Variants in EIF2AK1 observed in about 807,000 individuals in gnomAD.
The protein encoded by EIF2AK1 is eukaryotic translation initiation factor 2 alpha kinase 1.
A neutral mutation model predicts 77.9 loss-of-function variants in EIF2AK1; 54 were observed. The ratio of observed to expected loss-of-function variants is 0.69; its 90% CI spans 0.56 to 0.87. The LOEUF is 0.87. Ranked by LOEUF, EIF2AK1 falls within the 40% of genes least tolerant of loss-of-function variation. The pLI is 0.00. For missense variants in EIF2AK1, 810 were observed against 768.6 expected (o/e 1.05, Z -0.64); for synonymous variants, 314 against 290.5 (o/e 1.08, Z -0.82).
At position 6,044,603 on chromosome 7, in the gene EIF2AK1, T is replaced by C. The variant is rs1263963094; in HGVS notation, c.689A>G (p.His230Arg). 6.2e-7 allele frequency: 1 copy of C among 1,614,120 alleles called. No individual in the cohort carries two copies. The highest frequency in any genetic ancestry group is 8.5e-7 in the Non-Finnish European group (1 of 1,180,006). The change falls in exon 7 of 15, where the codon CAC becomes CGC. Residue 230 changes from histidine (H) to arginine (R), a missense_variant. Physicochemically the swap from His to Arg is conservative, Grantham distance 29. Around this residue, in one of 3 missense-constraint regions of EIF2AK1, gnomAD observed 549 missense variants for 533.7 expected, o/e 1.03. Coordinates refer to ENST00000199389, the MANE Select transcript of EIF2AK1 (RefSeq NM_014413.4). ...ATGAACATGTTCTATCCACGCGGTG[T>C]GATAGCCAACAATATTGGGGTGCTG... The part of the protein sequence containing the change: ...GLQHPNIVGY[H>R]TAWIEHVHVI...
At chr7:6,050,863 T>G (rs181375049) in intron 2 of EIF2AK1, among the ~76,000 whole-genome samples, 2 of 151,410 alleles carry the variant, frequency 1.3e-5, no homozygotes, top group Non-Finnish European at 3.0e-5. Flanking sequence ...TTGGCCTCCC[T>G]AAGTGCTGGG....
chr7:6,036,532 A>G lies in EIF2AK1; in HGVS notation c.1332+892T>C, dbSNP rs994604170. 12 of 510,134 alleles carry G rather than the reference A, an allele frequency of 2.4e-5. No homozygotes were observed. The highest frequency in any genetic ancestry group is 3.8e-5 in the Non-Finnish European group (12 of 317,574). 31.6% of individuals were successfully genotyped at this position (510,134 alleles called of 1,614,324 possible). On this transcript the variant is annotated intron_variant, in intron 11 of 14. Coordinates refer to ENST00000199389, the MANE Select transcript of EIF2AK1 (RefSeq NM_014413.4). The surrounding 1 kb of genome is among the most constrained non-coding windows in gnomAD (Gnocchi z 4.6). ...CTGATTCTTGAACATGTTCCAAAAT[A>G]CAAAGTGATTTGTCTATTAACATTT... is the stretch of plus-strand genomic sequence containing the variant.
At chr7:6,045,051 C>G (rs111908313) in intron 6 of EIF2AK1, among the ~76,000 whole-genome samples, 4,140 of 151,964 alleles carry the variant, frequency 0.027, 177 homozygotes, top group African/African-American at 0.093. Flanking sequence ...AGATGGAGGA[C>G]CATCTGTAAT....
At chr7:6,058,817 C>G in intron 1 of EIF2AK1, 149 bp downstream of exon 1, 2 of 600,372 alleles carry the variant, frequency 3.3e-6, no homozygotes, top group Non-Finnish European at 5.4e-6. Context: ...GCCGCCCCCC[C>G]TCGCACTGCG....
chr7:6,048,770 A>G, intron 4 of EIF2AK1, 37 bp downstream of exon 4: 1 of 1,486,246 alleles, frequency 6.7e-7, no homozygotes. Flanking sequence ...ATTTCTTTTC[A>G]ATAGTCTGCA....
chr7:6,037,183 A>G (rs1170157692), intron 11 of EIF2AK1, among the ~76,000 whole-genome samples: 3 of 151,968 alleles, frequency 2.0e-5, no homozygotes, highest in African/African-American at 4.8e-5. Flanking sequence ...GTGAGCTGTA[A>G]TCGTGCCACT....
chr7:6,051,255 G>C (rs889715113), intron 2 of EIF2AK1, among the ~76,000 whole-genome samples: 16 of 151,604 alleles, frequency 1.1e-4, no homozygotes, highest in Admixed American at 4.0e-4. Flanking sequence ...ATACCAATGA[G>C]GACATTTTTT....
intron 11 of EIF2AK1, among the ~76,000 whole-genome samples, chr7:6,030,297 G>T (rs1160290853): frequency 6.6e-6 from 1 of 152,132 alleles, no homozygotes; most frequent in East Asian, 1.9e-4. Context: ...TCGTAACCCT[G>T]TAGTCCTTGA....
intron 11 of EIF2AK1, among the ~76,000 whole-genome samples, chr7:6,029,971 C>A (rs1166209716): frequency 1.3e-5 from 2 of 151,936 alleles, no homozygotes; most frequent in East Asian, 3.9e-4. Context: ...CAGAGTGAGA[C>A]TCTGTCTCAA....
chr7:6,058,310 G>T, intron 1 of EIF2AK1: 1 of 368,930 alleles, frequency 2.7e-6, no homozygotes, highest in South Asian at 2.1e-5. Flanking sequence ...CCAGCTACTC[G>T]GGAGGCTAAG....
At chr7:6,057,607 A>G (rs1583504316) in intron 1 of EIF2AK1, 1 of 152,092 alleles carries the variant, frequency 6.6e-6, no homozygotes, top group African/African-American at 2.4e-5. Context: ...ATAAAAAAAA[A>G]AAAAAGAAAA....
In EIF2AK1 at chr7:6,023,788, T is replaced by C; in HGVS notation, c.*885A>G. 1 of 1,597,598 alleles carries C rather than the reference T, an allele frequency of 6.3e-7. No homozygotes were observed. Among genetic ancestry groups the C allele is most frequent in the Non-Finnish European group, 8.5e-7 (1 of 1,170,948 alleles). ...GACTTGTATTAGAGTCAGAGTCTTT[T>C]TATTTAGGCCAGTTGTCAAGTGTCA... On this transcript the variant is annotated 3_prime_UTR_variant, in exon 15 of 15. Coordinates refer to ENST00000199389, the MANE Select transcript of EIF2AK1 (RefSeq NM_014413.4).
chr7:6,044,074 G>C (rs1684572245), intron 7 of EIF2AK1, among the ~76,000 whole-genome samples: 1 of 151,654 alleles, frequency 6.6e-6, no homozygotes, highest in South Asian at 2.1e-4. Flanking sequence ...ACTCCAGCCT[G>C]GGTGACAGAG....
chr7:6,030,015 G>A (rs1031402073), intron 11 of EIF2AK1, among the ~76,000 whole-genome samples: 2 of 152,048 alleles, frequency 1.3e-5, no homozygotes, highest in Non-Finnish European at 2.9e-5. Flanking sequence ...CTGTCCTGTC[G>A]AGTCCAGAGA....
intron 5 of EIF2AK1, 155 bp from the exon 6 acceptor site, chr7:6,046,306 G>A (rs1479757739): frequency 6.6e-5 from 27 of 407,580 alleles, no homozygotes; most frequent in South Asian, 2.8e-4. Context: ...GAAGTCAGCC[G>A]GACTAAGAGC....
At chr7:6,044,173 T>C (rs9640013) in intron 7 of EIF2AK1, among the ~76,000 whole-genome samples, 9,744 of 151,918 alleles carry the variant, frequency 0.064, 602 homozygotes, top group East Asian at 0.35. Flanking sequence ...TATTTAAAAA[T>C]GTAAAAACCA....
Position 6,024,726 on chromosome 7 carries a change from G to C in EIF2AK1, c.1840C>G (p.Leu614Val), listed in dbSNP as rs1480610373. The change falls in exon 15 of 15, where the codon CTT becomes GTT. Residue 614 changes from leucine (L) to valine (V), a missense_variant. Physicochemically the swap from Leu to Val is conservative, Grantham distance 32. Around this residue, in one of 3 missense-constraint regions of EIF2AK1, gnomAD observed 549 missense variants for 533.7 expected, o/e 1.03. Transcript: ENST00000199389. ...TCCCTCACCCCTTTGTCTTGAGAAA[G>C]GAGGTTTAGCTGCTTCTTTAGTTCT... ...IAELKKQLNL[L>V]SQDKGVRDDG... 6.2e-7 allele frequency: 1 copy of C among 1,607,594 alleles called. No homozygotes were observed. Among genetic ancestry groups the C allele is most frequent in the East Asian group, 2.2e-5 (1 of 44,708 alleles).
chr7:6,058,317 T>C, intron 1 of EIF2AK1: 1 of 363,900 alleles, frequency 2.7e-6, no homozygotes, highest in Admixed American at 3.4e-5. Flanking sequence ...CTCGGGAGGC[T>C]AAGGCTGGAG....
rs527830106 is a variant in EIF2AK1 at position 6,024,332 on chromosome 7, C to T, written c.*341G>A. On this transcript the variant is annotated 3_prime_UTR_variant, in exon 15 of 15. Transcript: ENST00000199389. Reference sequence around the variant, plus strand: ...TCCAGTGAGTATGTGCAGGCCCGGGCTTGGGCAGTGACGAGGGCAGGGAGC... The same window carrying T: ...TCCAGTGAGTATGTGCAGGCCCGGGTTTGGGCAGTGACGAGGGCAGGGAGC... 1 of 1,222,938 alleles carries T rather than the reference C, an allele frequency of 8.2e-7. No individual in the cohort carries two copies. The highest frequency in any genetic ancestry group is 1.0e-6 in the Non-Finnish European group (1 of 966,966). The allele number at this position is 1,222,938 out of a possible 1,614,324, so 75.8% of individuals were successfully genotyped here. A position where few individuals can be genotyped will look rare whatever the true frequency, so the allele number is the denominator to read the frequency against.
Sources: gnomAD v4.1 joint callset for allele counts (sites outside exome capture counted in the v4.1 genomes callset) on GRCh38, gnomAD v4.1.1 for gene constraint, gnomAD v4.1.1 regional missense constraint, Gnocchi (gnomAD v3.1) non-coding constraint, MANE v1.5 for transcripts, NCBI Gene and HGNC (gene_info 2026-07-23, HGNC 2026-07-21) for gene names.